Variants in PRDM16 observed in about 807,000 individuals in gnomAD.
PRDM16 encodes the protein histone-lysine N-methyltransferase PRDM16.
In PRDM16, 23 loss-of-function variants were observed where a neutral mutation model predicts 110.6. That is an observed-to-expected ratio of 0.21 (90% CI 0.15 to 0.29). The LOEUF (loss-of-function observed/expected upper bound fraction) is 0.29. PRDM16 is among the 10% of genes least tolerant of loss of function. PRDM16 has a pLI of 1.00. For synonymous variants in PRDM16, 799 were observed against 781.8 expected (o/e 1.02, Z -0.37); for missense variants, 1,615 against 1,794.3 (o/e 0.90, Z 1.81).
rs191245568 is a variant in PRDM16, at chr1:3,195,572, G to A, written c.387+9098G>A. On this transcript the variant is annotated intron_variant, in intron 2 of 16. Coordinates refer to ENST00000270722, the MANE Select transcript of PRDM16 (RefSeq NM_022114.4). Reference sequence around the variant, plus strand: ...CTTCTTAAATAGTATTTTGCCAATCGCATCCCACACGCCCCGCCCCCCCTG... The same window carrying A: ...CTTCTTAAATAGTATTTTGCCAATCACATCCCACACGCCCCGCCCCCCCTG... 2.6e-4 allele frequency among the ~76,000 whole-genome samples: 40 copies of A among 151,652 alleles called. No homozygotes were observed. The East Asian group carries it at 6.9e-3, about 26-fold the overall frequency.
intron 2 of PRDM16, among the ~76,000 whole-genome samples, chr1:3,218,121 C>T (rs1414441054): frequency 1.3e-5 from 2 of 152,368 alleles, no homozygotes; most frequent in African/African-American, 2.4e-5. Flanking sequence ...AGAAGAGTCG[C>T]CTGCACTTAC....
chr1:3,184,665 A>T (rs934861852), intron 1 of PRDM16, among the ~76,000 whole-genome samples: 41 of 152,192 alleles, frequency 2.7e-4, no homozygotes, highest in Middle Eastern at 3.4e-3. Flanking sequence ...CCCCCTCTCT[A>T]GTTTCCAAAC....
At chr1:3,219,428 C>T (rs982048944) in intron 2 of PRDM16, among the ~76,000 whole-genome samples, 4 of 152,212 alleles carry the variant, frequency 2.6e-5, no homozygotes, top group Non-Finnish European at 5.9e-5. Context: ...TGCCAGCTCC[C>T]GGAGGACCTG....
intron 3 of PRDM16, among the ~76,000 whole-genome samples, chr1:3,323,427 GC>G (rs1274288094): frequency 2.0e-5 from 3 of 152,260 alleles, no homozygotes; most frequent in African/African-American, 7.2e-5. Context: ...GCTGTTCCAG[GC>G]GCCAACAGAA....
intron 3 of PRDM16, among the ~76,000 whole-genome samples, chr1:3,336,977 T>C (rs1642170867): frequency 6.9e-6 from 1 of 143,998 alleles, no homozygotes; most frequent in Non-Finnish European, 1.5e-5. Flanking sequence ...ACATATGTGT[T>C]GGTGTGAATC....
intron 3 of PRDM16, among the ~76,000 whole-genome samples, chr1:3,366,010 A>G (rs1642807370): frequency 6.6e-6 from 1 of 152,198 alleles, no homozygotes; most frequent in Admixed American, 6.5e-5. Context: ...ACGCGCACGC[A>G]CACACACATA....
intron 3 of PRDM16, among the ~76,000 whole-genome samples, chr1:3,286,409 G>A (rs1042545927): frequency 4.6e-5 from 7 of 152,138 alleles, no homozygotes; most frequent in South Asian, 2.1e-4. Context: ...CAAGCATTCC[G>A]GAATCTTCCA....
intron 3 of PRDM16, among the ~76,000 whole-genome samples, chr1:3,293,756 G>A (rs1162785356): frequency 6.6e-6 from 1 of 152,220 alleles, no homozygotes; most frequent in African/African-American, 2.4e-5. Flanking sequence ...AGGATGCTCA[G>A]TGGTCGCCAG....
intron 1 of PRDM16, among the ~76,000 whole-genome samples, chr1:3,074,245 A>T (rs1202860074): frequency 6.6e-6 from 1 of 152,100 alleles, no homozygotes; most frequent in Non-Finnish European, 1.5e-5. Flanking sequence ...CACTTTTGAG[A>T]GTGAGAAACC....
chr1:3,199,179 C>G (rs1377863296), intron 2 of PRDM16, among the ~76,000 whole-genome samples: 1 of 152,194 alleles, frequency 6.6e-6, no homozygotes, highest in Non-Finnish European at 1.5e-5. Context: ...TTTCAACAGG[C>G]ACCTCTGGAT....
At chr1:3,071,672 C>T (rs1410267495) in intron 1 of PRDM16, among the ~76,000 whole-genome samples, 1 of 152,196 alleles carries the variant, frequency 6.6e-6, no homozygotes. Context: ...GAGTCAGAGG[C>T]GGTAGGGCCA....
At chr1:3,191,708 G>T in intron 2 of PRDM16, among the ~76,000 whole-genome samples, 1 of 152,164 alleles carries the variant, frequency 6.6e-6, no homozygotes, top group East Asian at 1.9e-4. Context: ...AAATACATTT[G>T]CAGGTCCATT....
intron 3 of PRDM16, among the ~76,000 whole-genome samples, chr1:3,261,524 G>A (rs1238105259): frequency 6.6e-6 from 1 of 152,142 alleles, no homozygotes; most frequent in African/African-American, 2.4e-5. Context: ...TATTTACACA[G>A]TGGCGAGAGT....
intron 3 of PRDM16, among the ~76,000 whole-genome samples, chr1:3,349,284 G>A (rs1205323870): frequency 6.6e-6 from 1 of 152,160 alleles, no homozygotes; most frequent in African/African-American, 2.4e-5. Context: ...TGGTGTCAGG[G>A]AGGAGGTGTG....
chr1:3,240,407 CAA>C (rs113979441), intron 2 of PRDM16, among the ~76,000 whole-genome samples: 1,883 of 105,258 alleles, frequency 0.018, 13 homozygotes, highest in Non-Finnish European at 0.022. Context: ...CAACCTGTTT[CAA>C]AAAAAAAAAA....
Position 3,435,055 on chromosome 1 carries a change from G to A in PRDM16, c.*1244G>A, listed in dbSNP as rs1161702053. On this transcript the variant is annotated 3_prime_UTR_variant, in exon 17 of 17. Coordinates refer to ENST00000270722, the MANE Select transcript of PRDM16 (RefSeq NM_022114.4). ...CACAGCTTGAGAACAGAAGGGCGTCGGGGGAACCTGCCGCAAGGAGCAGAG... is the reference window on the plus strand; with the variant it reads ...CACAGCTTGAGAACAGAAGGGCGTCAGGGGAACCTGCCGCAAGGAGCAGAG... The A allele has an allele frequency of 1.5e-4, 35 of 226,836 alleles. No individual in the cohort carries two copies. The East Asian group carries it at 1.8e-3, about 11-fold the overall frequency. 14.1% of individuals were successfully genotyped at this position (226,836 alleles called of 1,614,324 possible).
chr1:3,308,930 G>C (rs1641376340), intron 3 of PRDM16: 1 of 152,278 alleles, frequency 6.6e-6, no homozygotes, highest in South Asian at 2.1e-4. Flanking sequence ...GTGCGTGCCG[G>C]TGAGAGATGT....
At chr1:3,263,162 C>T (rs755986795) in intron 3 of PRDM16, among the ~76,000 whole-genome samples, 10 of 152,168 alleles carry the variant, frequency 6.6e-5, no homozygotes, top group Non-Finnish European at 1.3e-4. Context: ...GCACCAGCAG[C>T]CTCTTCCATT....
intron 1 of PRDM16, among the ~76,000 whole-genome samples, chr1:3,176,575 C>A (rs910616800): frequency 6.6e-6 from 1 of 150,944 alleles, no homozygotes; most frequent in Non-Finnish European, 1.5e-5. Flanking sequence ...TTCATTTATC[C>A]ATTCTTCCTT....
Sources: gnomAD v4.1 joint callset for allele counts (sites outside exome capture counted in the v4.1 genomes callset) on GRCh38, gnomAD v4.1.1 for gene constraint, MANE v1.5 for transcripts, NCBI Gene and HGNC (gene_info 2026-07-23, HGNC 2026-07-21) for gene names.